The following TM4SF4 variants were observed in gnomAD, a reference collection of about 807,000 sequenced individuals.
TM4SF4 encodes the protein transmembrane 4 L six family member 4.
A neutral mutation model predicts 24.1 loss-of-function variants in TM4SF4; 24 were observed. That is an observed-to-expected ratio of 1.00 (90% CI 0.72 to 1.40). The LOEUF is 1.40. Ranked by LOEUF, TM4SF4 falls within the 40% of genes most tolerant of loss-of-function variation. TM4SF4 has a pLI of 0.00. For missense variants in TM4SF4, 254 were observed against 254.2 expected (o/e 1.00, Z 0.01); for synonymous variants, 113 against 97.0 (o/e 1.17, Z -0.97).
chr3:149,489,218 C>G (rs1734169243), intron 3 of TM4SF4, among the ~76,000 whole-genome samples: 1 of 152,222 alleles, frequency 6.6e-6, no homozygotes, highest in Non-Finnish European at 1.5e-5. Flanking sequence ...TCCCAGCAGG[C>G]TGAGCCCCCA....
intron 2 of TM4SF4, among the ~76,000 whole-genome samples, chr3:149,486,594 T>C (rs34540967): frequency 0.41 from 61,894 of 152,172 alleles, 13,078 homozygotes; most frequent in Non-Finnish European, 0.47. Context: ...TTCTGCCTTT[T>C]GCAGTCAATA....
rs550106898 is a variant in TM4SF4, at chr3:149,475,840, G to T, written c.192G>T (p.Leu64=). The T allele has an allele frequency of 1.2e-6, 2 of 1,612,142 alleles. No individual in the cohort carries two copies. Among genetic ancestry groups the T allele is most frequent in the African/African-American group, 1.3e-5 (1 of 74,988 alleles). ...GSGVLMIFPA[L]VFLGLKNNDC... ...CCTGGTAGATGATCTTCCCTGCGCTGGTGTTCTTGGGCCTGAAGAACAATG... is the reference window on the plus strand; with the variant it reads ...CCTGGTAGATGATCTTCCCTGCGCTTGTGTTCTTGGGCCTGAAGAACAATG... Residue 64 remains leucine, a synonymous_variant, in exon 2 of 5, where the codon CTG becomes CTT. Transcript: ENST00000305354.
chr3:149,485,750 C>T (rs1286370425), intron 2 of TM4SF4, among the ~76,000 whole-genome samples: 2 of 152,126 alleles, frequency 1.3e-5, no homozygotes, highest in East Asian at 1.9e-4. Flanking sequence ...ACCACGATTG[C>T]ACCACTGCAC....
rs1267380793 is a variant in TM4SF4 at position 149,475,799 on chromosome 3, C to T, written c.175-24C>T. ...CCTCCCTTCAACTCCTGGACTCTCTCTGAGGTGCCTCTTCTCCTGGTAGAT... is the reference window on the plus strand; with the variant it reads ...CCTCCCTTCAACTCCTGGACTCTCTTTGAGGTGCCTCTTCTCCTGGTAGAT... On this transcript the variant is annotated intron_variant, in intron 1 of 4. Transcript: ENST00000305354. 1.9e-6 allele frequency: 3 copies of T among 1,588,330 alleles called. No individual in the cohort carries two copies. The African/African-American group carries it at 4.0e-5, about 21-fold the overall frequency.
intron 2 of TM4SF4, among the ~76,000 whole-genome samples, chr3:149,482,343 A>C (rs1734047618): frequency 6.6e-6 from 1 of 152,234 alleles, no homozygotes; most frequent in East Asian, 1.9e-4. Flanking sequence ...GACCAGGTAG[A>C]GTATGCCCAT....
At position 149,486,823 on chromosome 3, in the gene TM4SF4, T is replaced by G. The variant is rs1255565727; in HGVS notation, c.265-796T>G. Among the ~76,000 whole-genome samples the G allele has an allele frequency of 4.6e-5, 7 of 152,322 alleles. No individual in the cohort carries two copies. In the East Asian group the frequency reaches 1.3e-3, roughly 29 times the overall value. ...ATGGAAGACAGGTTAGACTTGATCT[T>G]TTTGGCCTCGAGGAACATAATGAGG... On this transcript the variant is annotated intron_variant, in intron 2 of 4. Coordinates refer to ENST00000305354, the MANE Select transcript of TM4SF4 (RefSeq NM_004617.4).
intron 3 of TM4SF4, among the ~76,000 whole-genome samples, chr3:149,489,552 C>T (rs973290071): frequency 5.3e-5 from 8 of 152,158 alleles, no homozygotes; most frequent in Non-Finnish European, 7.3e-5. Context: ...CACACACGCA[C>T]GCCCTACTTG....
At chr3:149,479,166 C>T (rs1733989262) in intron 2 of TM4SF4, among the ~76,000 whole-genome samples, 2 of 152,090 alleles carry the variant, frequency 1.3e-5, no homozygotes. Context: ...CCCTAGCCTG[C>T]ATTTTGGCAC....
chr3:149,486,772 T>G (rs904411541), intron 2 of TM4SF4, among the ~76,000 whole-genome samples: 1 of 152,186 alleles, frequency 6.6e-6, no homozygotes, highest in African/African-American at 2.4e-5. Flanking sequence ...AAGGCAATCT[T>G]CAGATATTTT....
chr3:149,499,940 A>C (rs1734387026), intron 4 of TM4SF4, among the ~76,000 whole-genome samples: 1 of 152,186 alleles, frequency 6.6e-6, no homozygotes, highest in Non-Finnish European at 1.5e-5. Flanking sequence ...CAAAAACTAA[A>C]TATGTACATG....
At chr3:149,479,033 C>T (rs1267926029) in intron 2 of TM4SF4, among the ~76,000 whole-genome samples, 1 of 152,232 alleles carries the variant, frequency 6.6e-6, no homozygotes, top group African/African-American at 2.4e-5. Flanking sequence ...TCCCAAAGTG[C>T]TGGGATTACA....
At chr3:149,484,896 A>C (rs67576825) in intron 2 of TM4SF4, among the ~76,000 whole-genome samples, 48,579 of 151,950 alleles carry the variant, frequency 0.32, 8,065 homozygotes, top group Non-Finnish European at 0.36. Context: ...TACCTTGTTA[A>C]CTATAATATC....
At chr3:149,478,746 G>GA (rs1418914987) in intron 2 of TM4SF4, among the ~76,000 whole-genome samples, 1 of 152,146 alleles carries the variant, frequency 6.6e-6, no homozygotes, top group Non-Finnish European at 1.5e-5. Context: ...TCTTGTCTTT[G>GA]ATTTTTTTGT....
At chr3:149,479,095 A>G (rs991916399) in intron 2 of TM4SF4, among the ~76,000 whole-genome samples, 1 of 152,084 alleles carries the variant, frequency 6.6e-6, no homozygotes, top group Non-Finnish European at 1.5e-5. Flanking sequence ...TCAGCTCCCA[A>G]TTTTTAAAAA....
intron 3 of TM4SF4, among the ~76,000 whole-genome samples, chr3:149,488,645 A>G (rs2107871366): frequency 6.6e-6 from 1 of 152,366 alleles, no homozygotes; most frequent in Non-Finnish European, 1.5e-5. Context: ...GTAGCCATAT[A>G]GGGTTTGTAG....
At chr3:149,477,890 A>G (rs1220721794) in intron 2 of TM4SF4, among the ~76,000 whole-genome samples, 1 of 152,086 alleles carries the variant, frequency 6.6e-6, no homozygotes, top group Non-Finnish European at 1.5e-5. Context: ...TTAATTAGCT[A>G]TTAAGAAAAT....
intron 2 of TM4SF4, 38 bp from the exon 3 acceptor site, chr3:149,487,581 A>G: frequency 6.2e-7 from 1 of 1,613,022 alleles, no homozygotes; most frequent in Non-Finnish European, 8.5e-7. Context: ...CCTCTGGACC[A>G]CCTGGAGAAT....
At chr3:149,499,119 G>A (rs139938734) in intron 4 of TM4SF4, among the ~76,000 whole-genome samples, 2 of 152,168 alleles carry the variant, frequency 1.3e-5, no homozygotes, top group Non-Finnish European at 2.9e-5. Context: ...GGAACCCAGA[G>A]CATGTTAAAA....
rs770217350 is a variant in TM4SF4 at position 149,498,827 on chromosome 3, C to T, written c.507C>T (p.Ile169=). 6.2e-7 allele frequency: 1 copy of T among 1,613,878 alleles called. No individual in the cohort carries two copies. Among genetic ancestry groups the T allele is most frequent in the African/African-American group, 1.3e-5 (1 of 74,924 alleles). The change falls in exon 4 of 5, where the codon ATC becomes ATT. Residue 169 remains isoleucine (I), a synonymous_variant. Transcript: ENST00000305354. ...CCATCCTGCTGGTCGTAGGAGGAAT[C>T]CAGATGGTTCTCTGCGCCATCCAGG... ...LFSILLVVGG[I]QMVLCAIQVV...
Sources: gnomAD v4.1 joint callset for allele counts (sites outside exome capture counted in the v4.1 genomes callset) on GRCh38, gnomAD v4.1.1 for gene constraint, MANE v1.5 for transcripts, NCBI Gene and HGNC (gene_info 2026-07-23, HGNC 2026-07-21) for gene names.